The following UNC5D variants were observed in gnomAD, a reference collection of about 807,000 sequenced individuals.
UNC5D encodes the protein netrin receptor UNC5D.
In UNC5D, 39 loss-of-function variants were observed where a neutral mutation model predicts 105.4. That is an observed-to-expected ratio of 0.37 (90% CI 0.29 to 0.48). The LOEUF (loss-of-function observed/expected upper bound fraction) is 0.48. Among genes scored for constraint, UNC5D ranks in the 20% least tolerant of loss-of-function variants. The pLI is 0.98. For synonymous variants in UNC5D, 452 were observed against 450.4 expected, an observed-to-expected ratio of 1.00 and a Z score of -0.04; for missense variants, 991 against 1,202.4, an observed-to-expected ratio of 0.82 and a Z score of 2.60.
At chr8:35,293,996 T>C (rs1462985289) in intron 1 of UNC5D, among the ~76,000 whole-genome samples, 1 of 152,144 alleles carries the variant, frequency 6.6e-6, no homozygotes, top group Non-Finnish European at 1.5e-5. Context: ...TAAAAGAACT[T>C]TAAAAGACAG....
At chr8:35,248,300 ATATAT>A (rs1803338570) in intron 1 of UNC5D, among the ~76,000 whole-genome samples, 2 of 113,654 alleles carry the variant, frequency 1.8e-5, no homozygotes, top group African/African-American at 7.4e-5. Context: ...GTTATATAAA[ATATAT>A]AATATATAAA....
In UNC5D at chr8:35,790,584, A is replaced by G; in HGVS notation, c.*21A>G. 1 of 1,613,064 alleles carries G rather than the reference A, an allele frequency of 6.2e-7. No homozygotes were observed. Among genetic ancestry groups the G allele is most frequent in the Non-Finnish European group, 8.5e-7 (1 of 1,179,524 alleles). On this transcript the variant is annotated 3_prime_UTR_variant, in exon 17 of 17. Transcript: ENST00000404895. ...TCTAGTCCACTTCCTCCCATGAGAC[A>G]GAGTGATGGCCAGCTTGGGGACATT...
chr8:35,342,513 G>C (rs1811523394), intron 1 of UNC5D, among the ~76,000 whole-genome samples: 1 of 152,138 alleles, frequency 6.6e-6, no homozygotes, highest in African/African-American at 2.4e-5. Context: ...TGGTCTGTCA[G>C]ATCTTAGAAG....
chr8:35,574,992 A>G (rs546560944), intron 3 of UNC5D, among the ~76,000 whole-genome samples: 10 of 152,108 alleles, frequency 6.6e-5, no homozygotes, highest in Non-Finnish European at 1.2e-4. Context: ...CAAATCCCCT[A>G]TCACTTGTTG....
intron 11 of UNC5D, among the ~76,000 whole-genome samples, chr8:35,747,165 A>G (rs943155896): frequency 6.6e-6 from 1 of 152,208 alleles, no homozygotes; most frequent in African/African-American, 2.4e-5. Flanking sequence ...GGGAGGAGAC[A>G]ACATGATAAT....
intron 1 of UNC5D, among the ~76,000 whole-genome samples, chr8:35,273,415 C>G (rs940387168): frequency 6.6e-6 from 1 of 152,102 alleles, no homozygotes; most frequent in Non-Finnish European, 1.5e-5. Flanking sequence ...TACTGAAGGT[C>G]CTTGCCCCAA....
chr8:35,479,455 G>GA (rs1478696688), intron 1 of UNC5D, among the ~76,000 whole-genome samples: 1 of 152,076 alleles, frequency 6.6e-6, no homozygotes, highest in East Asian at 1.9e-4. Context: ...ATACCCAAAG[G>GA]AAAATAGATT....
At chr8:35,481,344 AG>A (rs1308369123) in intron 1 of UNC5D, among the ~76,000 whole-genome samples, 1 of 152,188 alleles carries the variant, frequency 6.6e-6, no homozygotes, top group African/African-American at 2.4e-5. Flanking sequence ...GGTTGCAGTG[AG>A]CCATGATCAT....
intron 1 of UNC5D, among the ~76,000 whole-genome samples, chr8:35,240,311 C>T (rs1342967200): frequency 1.3e-5 from 2 of 152,132 alleles, no homozygotes; most frequent in Admixed American, 6.6e-5. Flanking sequence ...GTTGTTAGCA[C>T]TCTTTTTGTA....
intron 1 of UNC5D, among the ~76,000 whole-genome samples, chr8:35,297,170 T>G (rs1275535687): frequency 2.0e-5 from 3 of 152,140 alleles, no homozygotes; most frequent in African/African-American, 7.2e-5. Context: ...ATTTGGGCAC[T>G]TTTTTCCTGA....
intron 1 of UNC5D, among the ~76,000 whole-genome samples, chr8:35,362,937 T>C (rs1276660621): frequency 1.3e-5 from 2 of 152,236 alleles, no homozygotes; most frequent in South Asian, 4.2e-4. Context: ...AACCCATAAA[T>C]CCACAAATCG....
intron 4 of UNC5D, among the ~76,000 whole-genome samples, chr8:35,628,409 C>T (rs1821826058): frequency 6.6e-6 from 1 of 152,174 alleles, no homozygotes; most frequent in Non-Finnish European, 1.5e-5. Context: ...GCTAGGATTA[C>T]AGGTGTGAGC....
intron 1 of UNC5D, among the ~76,000 whole-genome samples, chr8:35,283,681 G>C (rs980413238): frequency 6.6e-6 from 1 of 152,036 alleles, no homozygotes; most frequent in African/African-American, 2.4e-5. Flanking sequence ...GCACACACCT[G>C]TAATCCCAGC....
At chr8:35,594,373 C>T (rs1819363532) in intron 3 of UNC5D, among the ~76,000 whole-genome samples, 1 of 152,168 alleles carries the variant, frequency 6.6e-6, no homozygotes, top group African/African-American at 2.4e-5. Context: ...AAAGATGTAA[C>T]TGATTCTGGA....
chr8:35,423,931 C>T (rs975327333), intron 1 of UNC5D, among the ~76,000 whole-genome samples: 2 of 150,174 alleles, frequency 1.3e-5, no homozygotes, highest in African/African-American at 2.5e-5. Context: ...TAGTTCACTG[C>T]AACTACAGGC....
chr8:35,677,486 A>C (rs1302745305), intron 4 of UNC5D, among the ~76,000 whole-genome samples: 1 of 151,832 alleles, frequency 6.6e-6, no homozygotes, highest in South Asian at 2.1e-4. Context: ...TTCCTATTTT[A>C]TTTATTAAAC....
chr8:35,625,608 A>G (rs907839809), intron 4 of UNC5D, among the ~76,000 whole-genome samples: 2 of 152,182 alleles, frequency 1.3e-5, no homozygotes, highest in Non-Finnish European at 1.5e-5. Flanking sequence ...CTTGCTGAAG[A>G]AAAAAAGGGG....
chr8:35,601,399 C>G (rs1323123684), intron 4 of UNC5D, among the ~76,000 whole-genome samples: 1 of 152,128 alleles, frequency 6.6e-6, no homozygotes, highest in Admixed American at 6.5e-5. Context: ...GCAGTATGGC[C>G]ATTTTCATGA....
At chr8:35,740,171 C>T (rs1829686379) in intron 11 of UNC5D, among the ~76,000 whole-genome samples, 1 of 152,174 alleles carries the variant, frequency 6.6e-6, no homozygotes, top group Non-Finnish European at 1.5e-5. Context: ...AAAGCTGGCT[C>T]CCTAGAGATG....
Sources: gnomAD v4.1 joint callset for allele counts (sites outside exome capture counted in the v4.1 genomes callset) on GRCh38, gnomAD v4.1.1 for gene constraint, MANE v1.5 for transcripts, NCBI Gene and HGNC (gene_info 2026-07-23, HGNC 2026-07-21) for gene names.